Variants in CCNH observed in about 807,000 individuals in gnomAD.
CCNH encodes cyclin H.
CCNH carries 31 observed loss-of-function variants against 41.9 expected under a neutral mutation model. The ratio of observed to expected loss-of-function variants is 0.74; its 90% CI spans 0.56 to 1.00. The LOEUF (loss-of-function observed/expected upper bound fraction) is 1.00, where lower values mean the gene tolerates loss of function less well. CCNH is among the 50% of genes least tolerant of loss of function. The pLI is 0.00. For synonymous variants in CCNH, 138 were observed against 136.1 expected, an observed-to-expected ratio of 1.01 and a Z score of -0.10; for missense variants, 362 against 388.4, an observed-to-expected ratio of 0.93 and a Z score of 0.57.
chr5:87,350,285 T>C (rs916468564), intron 9 of CCNH, among the ~76,000 whole-genome samples: 1 of 151,862 alleles, frequency 6.6e-6, no homozygotes, highest in Non-Finnish European at 1.5e-5. Context: ...CATATACAGG[T>C]TGCTTGAGTA....
intron 9 of CCNH, among the ~76,000 whole-genome samples, chr5:87,369,648 T>C (rs1363695658): frequency 6.6e-6 from 1 of 152,100 alleles, no homozygotes; most frequent in Non-Finnish European, 1.5e-5. Flanking sequence ...TTCTAAAATA[T>C]ATATAGCTGA....
At chr5:87,316,128 T>C (rs1472588828), downstream of CCNH, among the ~76,000 whole-genome samples, 1 of 152,242 alleles carries the variant, frequency 6.6e-6, no homozygotes, top group Admixed American at 6.5e-5. Context: ...AGACCAGATC[T>C]GTTTGTTTGA....
downstream of CCNH, chr5:87,394,177 T>C (rs3093859): frequency 3.9e-3 from 3,570 of 927,176 alleles, 6 homozygotes; most frequent in Non-Finnish European, 4.6e-3. Context: ...GGTTTGCCTA[T>C]CATATTTTGC....
chr5:87,383,375 TTCTC>T (rs1368007612), intron 9 of CCNH, among the ~76,000 whole-genome samples: 2 of 152,190 alleles, frequency 1.3e-5, no homozygotes, highest in African/African-American at 4.8e-5. Flanking sequence ...GGATACTACT[TTCTC>T]TAAGTATCAA....
rs1303409266 is a variant in CCNH, at chr5:87,383,206, G to A, written c.*90+9564C>T. Among the ~76,000 whole-genome samples, 3 of 152,140 alleles carry A rather than the reference G, an allele frequency of 2.0e-5. No homozygotes were observed. In the East Asian group the frequency reaches 5.8e-4, roughly 29 times the overall value. Reference sequence around the variant, plus strand: ...TAGTGCAATGGATTCTTATTTTTATGTGAATCATCAACAAAATCAATGCAA... The same window carrying A: ...TAGTGCAATGGATTCTTATTTTTATATGAATCATCAACAAAATCAATGCAA... On this transcript the variant is annotated intron_variant and NMD_transcript_variant, in intron 9 of 9. Transcript: ENST00000645953.
intron 9 of CCNH, chr5:87,338,106 T>C: frequency 1.2e-6 from 2 of 1,611,682 alleles, no homozygotes; most frequent in Non-Finnish European, 1.7e-6. Context: ...GTTTTGTTCT[T>C]TTCTTCTCAA....
At chr5:87,340,960 G>GT (rs998941203) in intron 9 of CCNH, among the ~76,000 whole-genome samples, 83 of 147,910 alleles carry the variant, frequency 5.6e-4, no homozygotes, top group South Asian at 3.4e-3. Context: ...GTAGAGAGGT[G>GT]TTTTTTTTTT....
downstream of CCNH, among the ~76,000 whole-genome samples, chr5:87,313,687 TA>T (rs1756097176): frequency 6.6e-6 from 1 of 151,986 alleles, no homozygotes; most frequent in Non-Finnish European, 1.5e-5. Flanking sequence ...ATATTACAGA[TA>T]AGATAAAATG....
chr5:87,373,402 G>C (rs1761093189), downstream of CCNH, among the ~76,000 whole-genome samples: 1 of 152,100 alleles, frequency 6.6e-6, no homozygotes. Context: ...TACGGGACTT[G>C]AGCATCTTGG....
chr5:87,376,847 G>A (rs753512516), exon 1 of CCNH: 15 of 1,549,610 alleles, frequency 9.7e-6, no homozygotes, highest in East Asian at 2.2e-5. Context: ...ATAATGCTAC[G>A]TACTTTAAAC....
intron 7 of CCNH, among the ~76,000 whole-genome samples, chr5:87,396,718 A>T (rs1225705141): frequency 6.6e-6 from 1 of 152,222 alleles, no homozygotes; most frequent in Non-Finnish European, 1.5e-5. Flanking sequence ...TGGAAAGTTC[A>T]ATGTCCCATA....
intron 7 of CCNH, among the ~76,000 whole-genome samples, chr5:87,397,700 T>C (rs1175006616): frequency 6.6e-6 from 1 of 152,200 alleles, no homozygotes; most frequent in Non-Finnish European, 1.5e-5. Context: ...TGGAATACAA[T>C]GTAAGCTATG....
At chr5:87,333,374 A>G in intron 9 of CCNH, 1 of 1,609,054 alleles carries the variant, frequency 6.2e-7, no homozygotes, top group East Asian at 2.2e-5. Context: ...AGGCATTTGA[A>G]AGAGCTAGAC....
At chr5:87,362,128 AC>A (rs1760150153) in intron 9 of CCNH, among the ~76,000 whole-genome samples, 1 of 152,194 alleles carries the variant, frequency 6.6e-6, no homozygotes, top group Non-Finnish European at 1.5e-5. Context: ...GTCTGTATTC[AC>A]CTAGCATTTC....
chr5:87,329,045 A>G (rs879889289), intron 9 of CCNH, among the ~76,000 whole-genome samples: 2 of 152,184 alleles, frequency 1.3e-5, no homozygotes, highest in Admixed American at 6.5e-5. Context: ...ACCTTTTGAC[A>G]TGAAGGAAAT....
chr5:87,316,907 G>C (rs1163602506), downstream of CCNH, among the ~76,000 whole-genome samples: 1 of 150,918 alleles, frequency 6.6e-6, no homozygotes, highest in African/African-American at 2.4e-5. Context: ...TTTGGAGAAA[G>C]AGTCTTGCTC....
At chr5:87,323,851 A>G (rs1297506192) in intron 9 of CCNH, among the ~76,000 whole-genome samples, 2 of 152,042 alleles carry the variant, frequency 1.3e-5, no homozygotes, top group Non-Finnish European at 2.9e-5. Context: ...CTTTCAGGAA[A>G]TGTATGCTAA....
chr5:87,323,657 GTA>G (rs1756992930), intron 9 of CCNH, among the ~76,000 whole-genome samples: 1 of 151,892 alleles, frequency 6.6e-6, no homozygotes, highest in Admixed American at 6.6e-5. Context: ...GATTTGTAAA[GTA>G]TATTGTAAAG....
chr5:87,316,174 T>C (rs1561275277), downstream of CCNH, among the ~76,000 whole-genome samples: 1 of 152,230 alleles, frequency 6.6e-6, no homozygotes, highest in Non-Finnish European at 1.5e-5. Flanking sequence ...AAAGCAAATA[T>C]GACGAATGGT....
Sources: gnomAD v4.1 joint callset for allele counts (sites outside exome capture counted in the v4.1 genomes callset) on GRCh38, gnomAD v4.1.1 for gene constraint, MANE v1.5 for transcripts, NCBI Gene and HGNC (gene_info 2026-07-23, HGNC 2026-07-21) for gene names.